The following AREL1 variants were observed in gnomAD, a reference collection of about 807,000 sequenced individuals.
AREL1 encodes the protein apoptosis resistant E3 ubiquitin protein ligase 1.
Under a neutral mutation model 99.0 loss-of-function variants are expected in AREL1, and 62 were observed. That is an observed-to-expected ratio of 0.63 (90% CI 0.51 to 0.77). AREL1 has a LOEUF of 0.77. AREL1 is among the 30% of genes least tolerant of loss of function. The probability of loss-of-function intolerance (pLI) is 0.00; values close to 1 mark genes in which losing one functional copy is unlikely to be tolerated. For synonymous variants in AREL1, 380 were observed against 376.5 expected (o/e 1.01, Z -0.11); for missense variants, 879 against 1,027.6 (o/e 0.86, Z 1.98).
At chr14:74,694,778 AG>A (rs2089948554) in intron 1 of AREL1, among the ~76,000 whole-genome samples, 1 of 151,980 alleles carries the variant, frequency 6.6e-6, no homozygotes, top group African/African-American at 2.4e-5. Flanking sequence ...TCATGAGGTC[AG>A]GAGATCAAGA....
chr14:74,669,511 A>T, intron 15 of AREL1, 138 bp downstream of exon 15: 1 of 1,084,494 alleles, frequency 9.2e-7, no homozygotes. Context: ...TTCACTTATT[A>T]TGTCACCCAC....
At chr14:74,697,348 AGC>A (rs2089997078) in intron 1 of AREL1, among the ~76,000 whole-genome samples, 1 of 152,238 alleles carries the variant, frequency 6.6e-6, no homozygotes, top group Non-Finnish European at 1.5e-5. Flanking sequence ...GAGAAGCACC[AGC>A]CATGAGTCCA....
intron 1 of AREL1, among the ~76,000 whole-genome samples, chr14:74,698,341 C>T (rs1297990095): frequency 2.0e-5 from 3 of 152,128 alleles, no homozygotes; most frequent in African/African-American, 2.4e-5. Context: ...TGCAGGAACA[C>T]GTGTCATTTA....
intron 8 of AREL1, among the ~76,000 whole-genome samples, 189 bp from the exon 9 acceptor site, chr14:74,674,300 A>G (rs1162777772): frequency 6.6e-6 from 1 of 152,224 alleles, no homozygotes; most frequent in Non-Finnish European, 1.5e-5. Flanking sequence ...AAGGCAAATT[A>G]AAAATATTAC....
chr14:74,672,425 G>T (rs1277078941), intron 11 of AREL1, among the ~76,000 whole-genome samples: 2 of 152,120 alleles, frequency 1.3e-5, no homozygotes, highest in Non-Finnish European at 2.9e-5. Context: ...CTTAAACAGA[G>T]AAATTTAAGT....
intron 1 of AREL1, 198 bp downstream of exon 1, chr14:74,712,735 C>T (rs775136277): frequency 3.3e-6 from 1 of 304,062 alleles, no homozygotes; most frequent in Non-Finnish European, 6.5e-6. Context: ...GCTAGGAAAA[C>T]CAAATAGGAA....
At position 74,669,741 on chromosome 14, in the gene AREL1, A is replaced by C. The variant is rs752116517; in HGVS notation, c.1822T>G (p.Ser608Ala). 2 of 1,614,194 alleles carry C rather than the reference A, an allele frequency of 1.2e-6. No homozygotes were observed. Among genetic ancestry groups the C allele is most frequent in the South Asian group, 2.2e-5 (2 of 91,090 alleles). The change falls in exon 15 of 20, where the codon TCT becomes GCT. Residue 608 changes from serine (S) to alanine (A), a missense_variant. Physicochemically the swap from Ser to Ala is moderately conservative, Grantham distance 99 (BLOSUM62 1). Transcript: ENST00000356357. ...TTGTTGAGGATAAAACAAACTTTAG[A>C]TTTGTAGAATTCTGGGTCATCTGTT... is the stretch of plus-strand genomic sequence containing the variant. ...FETDDPEFYK[S>A]KVCFILNNDM... is the part of the protein sequence containing the mutation.
Position 74,667,323 on chromosome 14 carries a change from A to G in AREL1, c.2099T>C (p.Leu700Pro). 1.2e-6 allele frequency: 2 copies of G among 1,614,152 alleles called. No homozygotes were observed. The highest frequency in any genetic ancestry group is 1.7e-6 in the Non-Finnish European group (2 of 1,180,018). Residue 700 changes from leucine (L) to proline (P), a missense_variant, in exon 17 of 20, where the codon CTT becomes CCT. By Grantham distance (98) the Leu-to-Pro change is moderately conservative. Coordinates refer to ENST00000356357, the MANE Select transcript of AREL1 (RefSeq NM_001039479.2). ...NLLAIFDENE[L>P]ELLMCGTGDI... ...GTCTGAATTGCAATCACTTACCTCA[A>G]GCTCATTCTCATCAAAAATAGCCAA...
intron 1 of AREL1, among the ~76,000 whole-genome samples, chr14:74,707,240 C>T (rs1007209876): frequency 2.6e-5 from 4 of 151,756 alleles, no homozygotes; most frequent in Non-Finnish European, 5.9e-5. Context: ...TGGTGGCAGG[C>T]GCCTGTAATC....
intron 5 of AREL1, among the ~76,000 whole-genome samples, chr14:74,682,774 C>T (rs1041415934): frequency 3.9e-5 from 6 of 152,148 alleles, no homozygotes; most frequent in African/African-American, 1.4e-4. Context: ...AAAAGCCCAG[C>T]ACCTCCTCCC....
chr14:74,685,570 A>G (rs2089728934), intron 3 of AREL1, 30 bp downstream of exon 3: 1 of 1,613,468 alleles, frequency 6.2e-7, no homozygotes, highest in African/African-American at 1.3e-5. Context: ...TTACAAAAAT[A>G]TAATAGAGAG....
chr14:74,662,745 CAG>C lies in AREL1; in HGVS notation c.*973_*974del. 2.5e-6 allele frequency: 1 copy of C among 397,110 alleles called. No individual in the cohort carries two copies. Among genetic ancestry groups the C allele is most frequent in the Non-Finnish European group, 4.4e-6 (1 of 225,320 alleles). The allele number at this position is 397,110 out of a possible 1,614,324, so 24.6% of individuals were successfully genotyped here. On this transcript the variant is annotated 3_prime_UTR_variant, in exon 20 of 20. Transcript: ENST00000356357. ...CTTAGTGCTGCCAGAGAACACCAAG[CAG>C]AGAGAGAATCAGGGATTGCTGGCAT...
chr14:74,710,960 G>C (rs758986950), intron 1 of AREL1, among the ~76,000 whole-genome samples: 1 of 152,078 alleles, frequency 6.6e-6, no homozygotes, highest in Non-Finnish European at 1.5e-5. Flanking sequence ...TGCCAGGCAC[G>C]GTGGCTCACG....
At chr14:74,666,860 C>G (rs2089220957) in intron 17 of AREL1, among the ~76,000 whole-genome samples, 1 of 151,820 alleles carries the variant, frequency 6.6e-6, no homozygotes, top group Non-Finnish European at 1.5e-5. Flanking sequence ...GCTGGGATTA[C>G]AAGCGTGCAT....
chr14:74,680,189 AAAAG>A (rs988779586), intron 5 of AREL1, among the ~76,000 whole-genome samples: 16 of 152,128 alleles, frequency 1.1e-4, no homozygotes, highest in South Asian at 6.2e-4. Flanking sequence ...AAAAAAGAAA[AAAAG>A]AAAGAAAGAA....
At chr14:74,683,599 G>C (rs1424467252) in intron 4 of AREL1, 66 bp from the exon 5 acceptor site, 1 of 1,447,968 alleles carries the variant, frequency 6.9e-7, no homozygotes, top group Non-Finnish European at 9.6e-7. Flanking sequence ...TGTGTAGAGT[G>C]AGTGGGGAGA....
intron 5 of AREL1, among the ~76,000 whole-genome samples, chr14:74,681,776 A>G (rs1200095606): frequency 6.7e-6 from 1 of 149,300 alleles, no homozygotes; most frequent in African/African-American, 2.5e-5. Flanking sequence ...CAAAAAAAAA[A>G]AGAAAAAAAA....
chr14:74,690,039 G>GGAGTTTGA (rs1355502585), intron 2 of AREL1, among the ~76,000 whole-genome samples: 1 of 151,886 alleles, frequency 6.6e-6, no homozygotes, highest in Non-Finnish European at 1.5e-5. Context: ...CTTGAGCTCA[G>GGAGTTTGA]GAGTTTGAGA....
At chr14:74,695,300 G>T (rs1285625805) in intron 1 of AREL1, among the ~76,000 whole-genome samples, 1 of 151,872 alleles carries the variant, frequency 6.6e-6, no homozygotes, top group Non-Finnish European at 1.5e-5. Context: ...GGCTGGTCTT[G>T]AACTCCTGAC....
Sources: gnomAD v4.1 joint callset for allele counts (sites outside exome capture counted in the v4.1 genomes callset) on GRCh38, gnomAD v4.1.1 for gene constraint, MANE v1.5 for transcripts, NCBI Gene and HGNC (gene_info 2026-07-23, HGNC 2026-07-21) for gene names.